The following ARB2A variants were observed in gnomAD, a reference collection of about 807,000 sequenced individuals.
ARB2A encodes the protein ARB2 cotranscriptional regulator A, also known as cotranscriptional regulator ARB2A.
chr5:94,109,899 T>C, the ARB2A span, among the ~76,000 whole-genome samples: 32 of 104,580 alleles, frequency 3.1e-4, no homozygotes, highest in Admixed American at 2.7e-3. Context: ...TTTTTTTTTT[T>C]CTGGAGACGG....
the ARB2A span, chr5:93,784,380 C>A: frequency 6.2e-7 from 1 of 1,611,592 alleles, no homozygotes; most frequent in South Asian, 1.1e-5. Flanking sequence ...AACCAAGTCT[C>A]ACCTCTCTCA....
chr5:93,943,179 G>A, the ARB2A span, among the ~76,000 whole-genome samples: 1 of 152,002 alleles, frequency 6.6e-6, no homozygotes, highest in African/African-American at 2.4e-5. Flanking sequence ...AATTTTGGAA[G>A]ATATTACTAA....
At chr5:93,960,594 A>C in the ARB2A span, among the ~76,000 whole-genome samples, 103 of 152,306 alleles carry the variant, frequency 6.8e-4, no homozygotes, top group African/African-American at 2.5e-3. Context: ...AAAAACAATA[A>C]ACTTTTGGAA....
chr5:93,726,555 A>G, the ARB2A span, among the ~76,000 whole-genome samples: 1 of 152,110 alleles, frequency 6.6e-6, no homozygotes, highest in Non-Finnish European at 1.5e-5. Flanking sequence ...ACAGGCAAAG[A>G]AAAGTACAAA....
At chr5:93,998,580 T>C in the ARB2A span, among the ~76,000 whole-genome samples, 1 of 151,930 alleles carries the variant, frequency 6.6e-6, no homozygotes, top group Non-Finnish European at 1.5e-5. Flanking sequence ...AGGTTTAGTA[T>C]AAAAGGACAT....
the ARB2A span, among the ~76,000 whole-genome samples, chr5:94,024,881 G>C: frequency 3.0e-4 from 46 of 152,118 alleles, no homozygotes; most frequent in Non-Finnish European, 5.1e-4. Context: ...AACGCAAGTA[G>C]GTTTATATAG....
the ARB2A span, chr5:93,734,459 T>G: frequency 6.6e-6 from 1 of 152,170 alleles, no homozygotes; most frequent in Non-Finnish European, 1.5e-5. Flanking sequence ...GAATATGTGA[T>G]GAAGGCTATG....
the ARB2A span, among the ~76,000 whole-genome samples, chr5:93,689,715 G>A: frequency 3.3e-4 from 50 of 150,778 alleles, 2 homozygotes; most frequent in East Asian, 2.1e-3. Flanking sequence ...TTTTTGAGAC[G>A]GAGTTTCGCT....
At chr5:93,663,116 A>G in the ARB2A span, among the ~76,000 whole-genome samples, 2 of 152,174 alleles carry the variant, frequency 1.3e-5, no homozygotes, top group Non-Finnish European at 2.9e-5. Flanking sequence ...CGTTACACTG[A>G]TAACACCTAA....
At chr5:93,846,237 C>T in the ARB2A span, among the ~76,000 whole-genome samples, 1 of 152,024 alleles carries the variant, frequency 6.6e-6, no homozygotes, top group Non-Finnish European at 1.5e-5. Flanking sequence ...AGTGTGGTGG[C>T]TCATGCCTGT....
At chr5:93,840,666 G>T in the ARB2A span, among the ~76,000 whole-genome samples, 1 of 152,020 alleles carries the variant, frequency 6.6e-6, no homozygotes, top group South Asian at 2.1e-4. Context: ...CTCTTGTCTT[G>T]GACACTAGAC....
At chr5:94,054,130 C>A in the ARB2A span, among the ~76,000 whole-genome samples, 2 of 152,238 alleles carry the variant, frequency 1.3e-5, no homozygotes, top group South Asian at 2.1e-4. Flanking sequence ...GTGTGTTATA[C>A]CCTTTACTCA....
the ARB2A span, among the ~76,000 whole-genome samples, chr5:93,706,802 G>A: frequency 2.0e-5 from 3 of 150,732 alleles, no homozygotes; most frequent in Admixed American, 2.0e-4. Context: ...GGAGGTGGAT[G>A]TTGCAGTGAG....
the ARB2A span, among the ~76,000 whole-genome samples, chr5:94,033,856 GA>G: frequency 3.3e-5 from 5 of 152,204 alleles, no homozygotes; most frequent in Admixed American, 3.3e-4. Context: ...ATAGTATTGG[GA>G]AGTGGTGCCT....
the ARB2A span, among the ~76,000 whole-genome samples, chr5:94,053,643 C>A: frequency 6.6e-6 from 1 of 152,074 alleles, no homozygotes; most frequent in South Asian, 2.1e-4. Flanking sequence ...GCATATTATT[C>A]CATTTTTAGG....
chr5:93,653,566 T>A, the ARB2A span, among the ~76,000 whole-genome samples: 1 of 122,790 alleles, frequency 8.1e-6, no homozygotes, highest in South Asian at 2.6e-4. Flanking sequence ...AGACATTAAT[T>A]CTTCTTTTGC....
At chr5:93,728,675 C>A in the ARB2A span, among the ~76,000 whole-genome samples, 7 of 151,750 alleles carry the variant, frequency 4.6e-5, no homozygotes, top group Non-Finnish European at 8.8e-5. Context: ...AGCTTTACAC[C>A]AGTACTAAAT....
chr5:93,736,252 C>T, the ARB2A span: 2 of 152,096 alleles, frequency 1.3e-5, no homozygotes, highest in African/African-American at 2.4e-5. Context: ...TATGTGTAAT[C>T]TTGATACACC....
the ARB2A span, among the ~76,000 whole-genome samples, chr5:94,042,350 C>T: frequency 4.7e-5 from 6 of 127,300 alleles, no homozygotes; most frequent in Admixed American, 3.1e-4. Flanking sequence ...GATGGGGTCT[C>T]GCTCTGTAGC....
Sources: allele counts gnomAD v4.1 joint callset (sites outside exome capture counted in the v4.1 genomes callset), GRCh38; gene constraint gnomAD v4.1.1; transcripts MANE v1.5; gene names NCBI Gene and HGNC (gene_info 2026-07-23, HGNC 2026-07-21).